RPL21: variants seen among roughly 807,000 people sequenced by gnomAD.
RPL21 encodes large ribosomal subunit protein eL21.
RPL21 carries 1 observed loss-of-function variant against 21.2 expected under a neutral mutation model. That is an observed-to-expected ratio of 0.05 (90% CI 0.02 to 0.22). The LOEUF (loss-of-function observed/expected upper bound fraction) is 0.22, where lower values mean the gene tolerates loss of function less well. Ranked by LOEUF, RPL21 falls within the 10% of genes least tolerant of loss-of-function variation. The pLI is 1.00. For synonymous variants in RPL21, 52 were observed against 62.9 expected (o/e 0.83, Z 0.82); for missense variants, 113 against 199.4 (o/e 0.57, Z 2.61).
In RPL21 at chr13:27,256,416, CT is replaced by C. The variant is rs749953441; in HGVS notation, c.394-11del. 2.2e-4 allele frequency: 337 copies of C among 1,549,422 alleles called. 2 individuals are homozygous for C. Among genetic ancestry groups the C allele is most frequent in the Admixed American group, 1.1e-3 (65 of 59,404 alleles). On this transcript the variant is annotated intron_variant, in intron 5 of 5. Transcript: ENST00000311549. ...ACACATCACATAATTATTTTATTCCCTTTTTTTTTCCTTTAATAGCCTGCTC... is the reference window on the plus strand; with the variant it reads ...ACACATCACATAATTATTTTATTCCCTTTTTTTTCCTTTAATAGCCTGCTC...
intron 2 of RPL21, 32 bp from the exon 3 acceptor site, chr13:27,254,188 T>G: frequency 7.3e-7 from 1 of 1,375,174 alleles, no homozygotes; most frequent in Non-Finnish European, 1.0e-6. Flanking sequence ...TTTTTAGCCT[T>G]AATACTCACT....
At chr13:27,254,391 G>T (rs1351207475) in intron 3 of RPL21, 110 bp downstream of exon 3, 3 of 164,442 alleles carry the variant, frequency 1.8e-5, no homozygotes, top group Non-Finnish European at 3.1e-5. Flanking sequence ...GTATAGAATG[G>T]ATTTTTTTTT....
At chr13:27,254,882 G>A (rs765248176) in intron 3 of RPL21, 53 of 388,852 alleles carry the variant, frequency 1.4e-4, no homozygotes, top group Non-Finnish European at 1.9e-4. Context: ...TTACCCGCTT[G>A]GAGTTAACAG....
chr13:27,253,310 A>G (rs1333346), intron 1 of RPL21, among the ~76,000 whole-genome samples: 133,769 of 152,276 alleles, frequency 0.88, 59,192 homozygotes, highest in South Asian at 0.95. Flanking sequence ...TAAATAGATG[A>G]TGTTTGAGAT....
chr13:27,255,005 CCCT>C, intron 3 of RPL21: 1 of 691,148 alleles, frequency 1.4e-6, no homozygotes, highest in Non-Finnish European at 2.6e-6. Flanking sequence ...TGATTAAAAA[CCCT>C]CCTAGTGAAA....
At position 27,256,323 on chromosome 13, in the gene RPL21, C is replaced by A. The variant is rs777599973; in HGVS notation, c.382C>A (p.Leu128Ile). The change falls in exon 5 of 6, where the codon CTA (leucine) becomes ATA (isoleucine). Residue 128 changes from leucine (L) to isoleucine (I), a missense_variant. Coordinates refer to ENST00000311549, the MANE Select transcript of RPL21 (RefSeq NM_000982.4). ...CAAAGAGAAAGGTACCTGGGTTCAACTAAAGCGCCAGGTAAGAATTTGGTG... is the reference window on the plus strand; with the variant it reads ...CAAAGAGAAAGGTACCTGGGTTCAAATAAAGCGCCAGGTAAGAATTTGGTG... ...EAKEKGTWVQ[L>I]KRQPAPPREA... 1.6e-5 allele frequency: 26 copies of A among 1,610,562 alleles called. No individual in the cohort carries two copies. Among genetic ancestry groups the A allele is most frequent in the Non-Finnish European group, 2.0e-5 (24 of 1,177,630 alleles).
At chr13:27,256,393 A>G (rs969328012) in intron 5 of RPL21, 43 bp from the exon 6 acceptor site, 2 of 1,566,044 alleles carry the variant, frequency 1.3e-6, no homozygotes, top group African/African-American at 2.7e-5. Flanking sequence ...GAGATTTAAC[A>G]CATCACATAA....
chr13:27,252,556 CAGGA>C (rs1881701580), intron 1 of RPL21, among the ~76,000 whole-genome samples: 1 of 152,122 alleles, frequency 6.6e-6, no homozygotes, highest in African/African-American at 2.4e-5. Context: ...GCTCTGGAAT[CAGGA>C]ATGAGTTAAC....
At chr13:27,253,949 C>T (rs1211445969) in intron 2 of RPL21, 106 bp downstream of exon 2, 1 of 776,842 alleles carries the variant, frequency 1.3e-6, no homozygotes, top group East Asian at 2.5e-5. Flanking sequence ...AATTAAATAA[C>T]TAGCGTCTAC....
At chr13:27,254,489 G>T (rs913530315) in intron 3 of RPL21, 90 of 517,886 alleles carry the variant, frequency 1.7e-4, no homozygotes, top group Middle Eastern at 1.1e-3. Context: ...CTCCCTCCCG[G>T]ATTCAAGCAG....
intron 4 of RPL21, chr13:27,255,910 C>T (rs774654378): frequency 5.5e-5 from 21 of 380,258 alleles, no homozygotes; most frequent in Non-Finnish European, 8.2e-5. Context: ...GTTTAGTAAA[C>T]TTTTAAATTT....
intron 2 of RPL21, 110 bp downstream of exon 2, chr13:27,253,953 C>G: frequency 1.3e-6 from 1 of 766,344 alleles, no homozygotes; most frequent in Non-Finnish European, 2.4e-6. Context: ...AAATAACTAG[C>G]GTCTACCCAG....
chr13:27,254,168 T>C, intron 2 of RPL21, 52 bp from the exon 3 acceptor site: 1 of 1,115,504 alleles, frequency 9.0e-7, no homozygotes, highest in Non-Finnish European at 1.4e-6. Flanking sequence ...TGCATTTCTT[T>C]TACTCTAGAT....
Position 27,251,595 on chromosome 13 carries a change from A to G in RPL21, c.-13+10A>G, listed in dbSNP as rs979508733. ...AACCGCCATCTTCCAGGTAGGGCCTACGCGTGGCTCCCGGGCGCTAGGTGT... is the reference window on the plus strand; with the variant it reads ...AACCGCCATCTTCCAGGTAGGGCCTGCGCGTGGCTCCCGGGCGCTAGGTGT... On this transcript the variant is annotated intron_variant, in intron 1 of 5. Coordinates refer to ENST00000311549, the MANE Select transcript of RPL21 (RefSeq NM_000982.4). 2.6e-5 allele frequency: 4 copies of G among 152,364 alleles called. No individual in the cohort carries two copies. The highest frequency in any genetic ancestry group is 4.8e-5 in the African/African-American group (2 of 41,472). The allele number at this position is 152,364 out of a possible 1,614,324, so 9.4% of individuals were successfully genotyped here.
chr13:27,254,017 CTAAG>C (rs1483249651), intron 2 of RPL21, among the ~76,000 whole-genome samples, 174 bp downstream of exon 2: 1 of 152,126 alleles, frequency 6.6e-6, no homozygotes, highest in Admixed American at 6.5e-5. Context: ...GATTTTGTGA[CTAAG>C]TATTGATGCA....
chr13:27,253,423 T>G (rs981737105), intron 1 of RPL21, among the ~76,000 whole-genome samples: 1 of 152,262 alleles, frequency 6.6e-6, no homozygotes, highest in South Asian at 2.1e-4. Context: ...AGTTAGTAAT[T>G]ACATGCCCTT....
intron 1 of RPL21, among the ~76,000 whole-genome samples, chr13:27,253,197 A>G (rs1881730337): frequency 1.3e-5 from 2 of 152,220 alleles, no homozygotes; most frequent in Non-Finnish European, 2.9e-5. Context: ...CCTATGTCAA[A>G]TTTAGGTCAA....
At chr13:27,254,451 A>T in intron 3 of RPL21, 170 bp downstream of exon 3, 1 of 551,682 alleles carries the variant, frequency 1.8e-6, no homozygotes. Flanking sequence ...GCTGGAGTGC[A>T]ATGGCATGAT....
intron 1 of RPL21, among the ~76,000 whole-genome samples, chr13:27,252,297 C>G (rs1484096614): frequency 6.6e-6 from 1 of 152,176 alleles, no homozygotes; most frequent in Non-Finnish European, 1.5e-5. Flanking sequence ...TTTGCGAATT[C>G]TAGGGCAGCA....
Sources: allele counts gnomAD v4.1 joint callset (sites outside exome capture counted in the v4.1 genomes callset), GRCh38; gene constraint gnomAD v4.1.1; transcripts MANE v1.5; gene names NCBI Gene and HGNC (gene_info 2026-07-23, HGNC 2026-07-21).